MLXIPL: variants seen among roughly 807,000 people sequenced by gnomAD.
The protein encoded by MLXIPL is carbohydrate-responsive element-binding protein.
MLXIPL carries 49 observed loss-of-function variants against 81.5 expected under a neutral mutation model. The ratio of observed to expected loss-of-function variants is 0.60; its 90% CI spans 0.48 to 0.76. MLXIPL has a LOEUF of 0.76. Among genes scored for constraint, MLXIPL ranks in the 30% least tolerant of loss-of-function variants. MLXIPL has a pLI of 0.00. For synonymous variants in MLXIPL, 466 were observed against 485.5 expected (o/e 0.96, Z 0.53); for missense variants, 1,053 against 1,167.0 (o/e 0.90, Z 1.42).
the MLXIPL span, among the ~76,000 whole-genome samples, chr7:73,643,733 AC>A: frequency 6.6e-6 from 1 of 152,138 alleles, no homozygotes; most frequent in East Asian, 1.9e-4. Context: ...ATCAGCAGGT[AC>A]TAGGACAGAG....
the MLXIPL span, among the ~76,000 whole-genome samples, chr7:73,633,836 C>T: frequency 3.9e-5 from 6 of 152,250 alleles, no homozygotes; most frequent in South Asian, 1.2e-3. Flanking sequence ...TTCACTGACC[C>T]CTCAGCTCCT....
chr7:73,622,383 G>C (rs1288796946), intron 1 of MLXIPL, among the ~76,000 whole-genome samples: 4 of 151,974 alleles, frequency 2.6e-5, no homozygotes, highest in African/African-American at 9.7e-5. Context: ...CAGCTACTCA[G>C]GAGGCTGAGG....
chr7:73,620,271 G>C (rs1312224771), intron 1 of MLXIPL, among the ~76,000 whole-genome samples: 1 of 151,200 alleles, frequency 6.6e-6, no homozygotes, highest in Non-Finnish European at 1.5e-5. Flanking sequence ...GGGCATGGTG[G>C]TGCGTGCCTG....
upstream of MLXIPL, among the ~76,000 whole-genome samples, chr7:73,625,479 G>A (rs376996141): frequency 2.6e-5 from 4 of 152,182 alleles, no homozygotes; most frequent in East Asian, 3.9e-4. Flanking sequence ...CACGGTGGCC[G>A]GGCGCGGTGG....
rs1413444620 is a variant in MLXIPL at position 73,624,466 on chromosome 7, G to A, written c.27C>T (p.Ala9=). MAGALAGL[A]AGLQVPRVAP... is the part of the protein sequence containing the mutation. ...CGACCCGCGGGACCTGCAAGCCCGCGGCCAGACCTGCCAGCGCGCCGGCCA... is the reference window on the plus strand; with the variant it reads ...CGACCCGCGGGACCTGCAAGCCCGCAGCCAGACCTGCCAGCGCGCCGGCCA... The change falls in exon 1 of 17, where the codon GCC becomes GCT. Residue 9 remains alanine, a synonymous_variant. Coordinates refer to ENST00000313375, the MANE Select transcript of MLXIPL (RefSeq NM_032951.3). 1 of 1,541,772 alleles carries A rather than the reference G, an allele frequency of 6.5e-7. No individual in the cohort carries two copies. Among genetic ancestry groups the A allele is most frequent in the Non-Finnish European group, 8.7e-7 (1 of 1,151,596 alleles).
rs782291435 is a variant in MLXIPL at position 73,606,081 on chromosome 7, A to G, written c.649T>C (p.Trp217Arg). The G allele has an allele frequency of 1.4e-4, 216 of 1,588,170 alleles. 1 individual carries two copies. The highest frequency in any genetic ancestry group is 1.8e-4 in the Non-Finnish European group (208 of 1,167,556). The change falls in exon 6 of 17, where the codon TGG becomes CGG. Residue 217 changes from tryptophan (W) to arginine (R), a missense_variant. Trp to Arg is a moderately radical substitution (Grantham distance 101). Coordinates refer to ENST00000313375, the MANE Select transcript of MLXIPL (RefSeq NM_032951.3). Reference sequence around the variant, plus strand: ...ACACTGGAGAAGAGCTGTTTGCACCATTGCTCCGGCGGCGGCCACCTGCCT... The same window carrying G: ...ACACTGGAGAAGAGCTGTTTGCACCGTTGCTCCGGCGGCGGCCACCTGCCT... ...AEGRWPPPEQ[W>R]CKQLFSSVVP...
chr7:73,608,956 A>G (rs1189469106), intron 2 of MLXIPL, among the ~76,000 whole-genome samples: 1 of 151,986 alleles, frequency 6.6e-6, no homozygotes, highest in East Asian at 1.9e-4. Context: ...CCTCTGGTGT[A>G]CGCCACCATG....
chr7:73,596,871 C>A lies in MLXIPL; in HGVS notation c.1665G>T (p.Gly555=). 6.2e-7 allele frequency: 1 copy of A among 1,611,462 alleles called. No homozygotes were observed. The highest frequency in any genetic ancestry group is 8.5e-7 in the Non-Finnish European group (1 of 1,179,592). The part of the protein sequence containing the change: ...LVSSTLLRSP[G]SPQETVPEFP... ...CCAGTGCCCGAGATCTTACCGGGGACCCTGGGGACCGGAGGAGGGTGCTGG... is the reference window on the plus strand; with the variant it reads ...CCAGTGCCCGAGATCTTACCGGGGAACCTGGGGACCGGAGGAGGGTGCTGG... Residue 555 remains glycine, a synonymous_variant, in exon 10 of 17, where the codon GGG becomes GGT. Transcript: ENST00000313375. The surrounding 1 kb of genome is among the most constrained non-coding windows in gnomAD (Gnocchi z 4.7).
Position 73,605,785 on chromosome 7 carries a change from C to CG in MLXIPL, c.821-18dup, listed in dbSNP as rs782574537. The CG allele has an allele frequency of 5.4e-5, 87 of 1,611,664 alleles. No individual in the cohort carries two copies. In the African/African-American group the frequency reaches 1.0e-3, roughly 19 times the overall value. On this transcript the variant is annotated splice_polypyrimidine_tract_variant and intron_variant, in intron 6 of 16. Transcript: ENST00000313375. ...CGACGTAGGCTGGAGGCAGCAGTGG[C>CG]GACATCAGCAGCAGCAGGCAGGGAG...
chr7:73,606,798 C>T (rs879956401), intron 5 of MLXIPL, 176 bp downstream of exon 5: 1 of 716,930 alleles, frequency 1.4e-6, no homozygotes, highest in Non-Finnish European at 2.4e-6. Flanking sequence ...CTCACCCTCA[C>T]CCCCCAAGAA....
In MLXIPL at chr7:73,596,563, G is replaced by A; in HGVS notation, c.1822+76C>T. 3.1e-6 allele frequency: 5 copies of A among 1,599,884 alleles called. No homozygotes were observed. The highest frequency in any genetic ancestry group is 4.3e-6 in the Non-Finnish European group (5 of 1,173,236). ...GCCCCCTTCCTCTCATCTGGCCCCA[G>A]ACCCAGTCCCCTTCTTCTTCCTCCT... On this transcript the variant is annotated intron_variant, in intron 11 of 16. Transcript: ENST00000313375. This position sits in a 1 kb window ranked among gnomAD's most constrained non-coding sequence, Gnocchi z 4.7.
At chr7:73,597,011 A>T in intron 9 of MLXIPL, 79 bp from the exon 10 acceptor site, 2 of 1,527,518 alleles carry the variant, frequency 1.3e-6, no homozygotes, top group Non-Finnish European at 8.9e-7. Context: ...TGCCCCTCCC[A>T]AGAGTCCACA....
intron 1 of MLXIPL, among the ~76,000 whole-genome samples, chr7:73,618,391 CT>C (rs1254161139): frequency 5.3e-5 from 8 of 152,238 alleles, no homozygotes; most frequent in Admixed American, 2.6e-4. Context: ...GCCACCGCAC[CT>C]GGCCCCCAAG....
In MLXIPL at chr7:73,593,857, G is replaced by T. The variant is rs782658232; in HGVS notation, c.*8C>A. 1.6e-5 allele frequency: 26 copies of T among 1,610,140 alleles called. No individual in the cohort carries two copies. The highest frequency in any genetic ancestry group is 2.0e-5 in the Non-Finnish European group (24 of 1,176,446). ...GGCAGCTGAGTGAGCAGCAGGGTCT[G>T]GCCAGGACTATAAAGGTTTGCCAAG... On this transcript the variant is annotated 3_prime_UTR_variant, in exon 17 of 17. Transcript: ENST00000313375.
intron 15 of MLXIPL, among the ~76,000 whole-genome samples, chr7:73,594,614 T>C (rs797044161): frequency 3.3e-5 from 5 of 152,176 alleles, no homozygotes; most frequent in African/African-American, 1.2e-4. Context: ...AGTGGCACGA[T>C]CTCAGCTCAC....
At chr7:73,631,558 C>CTTTTTTTTTTT in the MLXIPL span, among the ~76,000 whole-genome samples, 4 of 69,668 alleles carry the variant, frequency 5.7e-5, 1 homozygote, top group Non-Finnish European at 8.7e-5. Context: ...GATGTTGCTA[C>CTTTTTTTTTTT]TTTTTTTTTT....
intron 15 of MLXIPL, among the ~76,000 whole-genome samples, chr7:73,595,410 G>A (rs1794194540): frequency 6.6e-6 from 1 of 152,090 alleles, no homozygotes; most frequent in Admixed American, 6.6e-5. Context: ...CTTACCCAAG[G>A]ACTCCTCCCT....
In MLXIPL at chr7:73,623,873, AGGGACGGAG is replaced by A. The variant is rs1170298956; in HGVS notation, c.293+318_293+326del. On this transcript the variant is annotated intron_variant, in intron 1 of 16. Transcript: ENST00000313375. The surrounding 1 kb of genome is among the most constrained non-coding windows in gnomAD (Gnocchi z 5.7). Reference sequence around the variant, plus strand: ...GACCAGGGGCGCCTGGCATTTTTGTAGGGACGGAGGGGCTGGGACCAGAGAGAGGGGACC... The same window carrying A: ...GACCAGGGGCGCCTGGCATTTTTGTAGGGCTGGGACCAGAGAGAGGGGACC... Among the ~76,000 whole-genome samples, 20 of 151,544 alleles carry A rather than the reference AGGGACGGAG, an allele frequency of 1.3e-4. No homozygotes were observed. Among genetic ancestry groups the A allele is most frequent in the Non-Finnish European group, 2.7e-4 (18 of 67,924 alleles).
chr7:73,605,230 G>A (rs1266567078), intron 7 of MLXIPL, among the ~76,000 whole-genome samples: 1 of 152,090 alleles, frequency 6.6e-6, no homozygotes, highest in African/African-American at 2.4e-5. Flanking sequence ...GGCCACACCA[G>A]CTGGACAAAA....
Sources: allele counts gnomAD v4.1 joint callset (sites outside exome capture counted in the v4.1 genomes callset), GRCh38; gene constraint gnomAD v4.1.1; non-coding constraint Gnocchi (gnomAD v3.1); transcripts MANE v1.5; gene names NCBI Gene and HGNC (gene_info 2026-07-23, HGNC 2026-07-21).